Variants in LY96 observed in about 807,000 individuals in gnomAD.
The protein encoded by LY96 is lymphocyte antigen 96.
A neutral mutation model predicts 18.9 loss-of-function variants in LY96; 18 were observed. The ratio of observed to expected loss-of-function variants is 0.95; its 90% CI spans 0.66 to 1.41. The LOEUF is 1.41. LY96 is among the 40% of genes most tolerant of loss of function. The pLI is 0.00. For missense variants in LY96, 175 were observed against 182.4 expected, an observed-to-expected ratio of 0.96 and a Z score of 0.23; for synonymous variants, 66 against 62.6, an observed-to-expected ratio of 1.06 and a Z score of -0.26.
chr8:74,032,633 C>CTGATT (rs1438623242), downstream of LY96, among the ~76,000 whole-genome samples: 1 of 152,206 alleles, frequency 6.6e-6, no homozygotes, highest in Non-Finnish European at 1.5e-5. Flanking sequence ...GTGCTTCCAG[C>CTGATT]TGAATAAAGC....
At chr8:74,051,333 G>T in the LY96 span, among the ~76,000 whole-genome samples, 18 of 152,286 alleles carry the variant, frequency 1.2e-4, no homozygotes, top group African/African-American at 4.1e-4. Context: ...TAGTGCTTGA[G>T]AATTCATTTG....
At chr8:74,050,330 G>A in the LY96 span, among the ~76,000 whole-genome samples, 1,638 of 151,944 alleles carry the variant, frequency 0.011, 41 homozygotes, top group African/African-American at 0.038. Flanking sequence ...GTAACAGAGC[G>A]AGACTCTATC....
At chr8:74,032,573 A>G (rs575651084), downstream of LY96, among the ~76,000 whole-genome samples, 6 of 152,356 alleles carry the variant, frequency 3.9e-5, no homozygotes, top group Non-Finnish European at 8.8e-5. Flanking sequence ...TAAAAGGGAC[A>G]GGAATTGCTC....
chr8:74,072,488 T>C, the LY96 span, among the ~76,000 whole-genome samples: 16 of 152,350 alleles, frequency 1.1e-4, no homozygotes, highest in East Asian at 3.1e-3. Context: ...TGTTGGACAT[T>C]TAGTTTTTTC....
the LY96 span, among the ~76,000 whole-genome samples, chr8:74,082,530 T>A: frequency 6.6e-6 from 1 of 152,218 alleles, no homozygotes; most frequent in Non-Finnish European, 1.5e-5. Context: ...TATTATTGTA[T>A]TGTTATTTAA....
intron 3 of LY96, among the ~76,000 whole-genome samples, chr8:74,014,407 G>A (rs1351533543): frequency 3.5e-4 from 49 of 139,206 alleles, no homozygotes; most frequent in African/African-American, 1.2e-3. Flanking sequence ...AAAAAAAAAA[G>A]CACCACACTT....
chr8:74,015,319 T>C (rs1483980007), intron 3 of LY96, among the ~76,000 whole-genome samples: 2 of 152,188 alleles, frequency 1.3e-5, no homozygotes, highest in Admixed American at 1.3e-4. Context: ...ATGTAACAGC[T>C]CTGGAGTCCA....
the LY96 span, among the ~76,000 whole-genome samples, chr8:74,040,961 C>A: frequency 1.3e-5 from 2 of 152,030 alleles, no homozygotes; most frequent in African/African-American, 4.8e-5. Flanking sequence ...CTTCTTGCAA[C>A]TTTTCTATAA....
At chr8:74,017,962 G>A (rs1001695003) in intron 3 of LY96, among the ~76,000 whole-genome samples, 6 of 152,174 alleles carry the variant, frequency 3.9e-5, no homozygotes, top group African/African-American at 4.8e-5. Context: ...AAATTGTAGC[G>A]ACTATTGATG....
chr8:74,081,093 CTT>C, the LY96 span, among the ~76,000 whole-genome samples: 3 of 120,008 alleles, frequency 2.5e-5, no homozygotes, highest in South Asian at 2.7e-4. Flanking sequence ...TTCTCTCTTT[CTT>C]TCTTTCTTTC....
chr8:74,007,900 C>T (rs1294066245), intron 2 of LY96, among the ~76,000 whole-genome samples: 1 of 152,192 alleles, frequency 6.6e-6, no homozygotes, highest in Non-Finnish European at 1.5e-5. Flanking sequence ...GCTGGGATTA[C>T]AGGCGCCTGC....
downstream of LY96, among the ~76,000 whole-genome samples, chr8:74,034,066 T>C (rs562598030): frequency 6.6e-6 from 1 of 152,312 alleles, no homozygotes; most frequent in Non-Finnish European, 1.5e-5. Flanking sequence ...TGCACATACA[T>C]TGGTCTTACT....
At chr8:74,059,449 C>T in the LY96 span, among the ~76,000 whole-genome samples, 2 of 152,152 alleles carry the variant, frequency 1.3e-5, no homozygotes, top group African/African-American at 4.8e-5. Context: ...GATATAAAGA[C>T]ATTTTTAAAA....
chr8:74,074,531 G>A, the LY96 span, among the ~76,000 whole-genome samples: 1 of 151,140 alleles, frequency 6.6e-6, no homozygotes, highest in African/African-American at 2.4e-5. Flanking sequence ...TACTAATTTT[G>A]GGTCTGGTTT....
the LY96 span, among the ~76,000 whole-genome samples, chr8:74,057,183 G>A: frequency 2.6e-5 from 4 of 152,106 alleles, no homozygotes; most frequent in East Asian, 1.9e-4. Context: ...TTCACGTAGC[G>A]CACCTTTCCC....
chr8:74,081,052 C>CTTTTTT, the LY96 span, among the ~76,000 whole-genome samples: 3 of 90,426 alleles, frequency 3.3e-5, no homozygotes, highest in African/African-American at 5.1e-5. Context: ...CTTTCTTTTT[C>CTTTTTT]TTTCTTTCTT....
the LY96 span, among the ~76,000 whole-genome samples, chr8:74,060,455 CTT>C: frequency 6.6e-6 from 1 of 152,222 alleles, no homozygotes. Context: ...ACTTTTCACT[CTT>C]AAATCATTTT....
At chr8:73,994,564 G>A (rs548169788) in intron 1 of LY96, among the ~76,000 whole-genome samples, 3 of 152,224 alleles carry the variant, frequency 2.0e-5, no homozygotes, top group African/African-American at 7.2e-5. Flanking sequence ...ATGGCTCACT[G>A]CAGCCTCAAA....
chr8:74,089,475 C>G, the LY96 span, among the ~76,000 whole-genome samples: 1 of 152,236 alleles, frequency 6.6e-6, no homozygotes, highest in East Asian at 1.9e-4. Context: ...CTTCTGTGTC[C>G]TAGACTTGGT....
Sources: allele counts gnomAD v4.1 joint callset (sites outside exome capture counted in the v4.1 genomes callset), GRCh38; gene constraint gnomAD v4.1.1; transcripts MANE v1.5; gene names NCBI Gene and HGNC (gene_info 2026-07-23, HGNC 2026-07-21).